Variants in KCNH7 observed in about 807,000 individuals in gnomAD.
KCNH7 encodes voltage-gated inwardly rectifying potassium channel KCNH7.
Under a neutral mutation model 120.8 loss-of-function variants are expected in KCNH7, and 49 were observed. That is an observed-to-expected ratio of 0.41 (90% CI 0.32 to 0.51). The LOEUF (loss-of-function observed/expected upper bound fraction) is 0.51, where lower values mean the gene tolerates loss of function less well. Among genes scored for constraint, KCNH7 ranks in the 20% least tolerant of loss-of-function variants. KCNH7 has a pLI of 0.38. For synonymous variants in KCNH7, 547 were observed against 516.1 expected (o/e 1.06, Z -0.81); for missense variants, 1,097 against 1,446.6 (o/e 0.76, Z 3.92).
At chr2:162,611,296 G>A (rs367662591) in intron 2 of KCNH7, among the ~76,000 whole-genome samples, 2 of 152,074 alleles carry the variant, frequency 1.3e-5, no homozygotes, top group Admixed American at 6.6e-5. Context: ...ATTCATTATC[G>A]AAGAGTTCTA....
rs933091048 is a variant in KCNH7 at position 162,572,709 on chromosome 2, A to G, written c.308-35629T>C. Among the ~76,000 whole-genome samples, 40 of 139,496 alleles carry G rather than the reference A, an allele frequency of 2.9e-4. No individual in the cohort carries two copies. The East Asian group carries it at 5.4e-3, about 19-fold the overall frequency. 91.5% of individuals were successfully genotyped at this position (139,496 alleles called of 152,430 possible). ...TGGCACATATACACCATGGAATACTATGCAGCCATAAAAAATGATGAGTTC... is the reference window on the plus strand; with the variant it reads ...TGGCACATATACACCATGGAATACTGTGCAGCCATAAAAAATGATGAGTTC... On this transcript the variant is annotated intron_variant, in intron 2 of 15. Coordinates refer to ENST00000332142, the MANE Select transcript of KCNH7 (RefSeq NM_033272.4).
chr2:162,532,965 G>A (rs375912299), intron 3 of KCNH7, among the ~76,000 whole-genome samples: 2 of 151,858 alleles, frequency 1.3e-5, no homozygotes, highest in Non-Finnish European at 2.9e-5. Context: ...GAATATTGTT[G>A]ACGAAAACTG....
At chr2:162,469,070 G>A (rs1212157427) in intron 6 of KCNH7, among the ~76,000 whole-genome samples, 5 of 152,114 alleles carry the variant, frequency 3.3e-5, no homozygotes, top group African/African-American at 1.2e-4. Context: ...TGCACAGGCT[G>A]GTCTCAAACA....
chr2:162,739,889 G>A (rs948739582), intron 2 of KCNH7, among the ~76,000 whole-genome samples: 2 of 147,772 alleles, frequency 1.4e-5, no homozygotes, highest in Non-Finnish European at 1.5e-5. Flanking sequence ...GAATGAGCAG[G>A]GCTGGGTATT....
intron 2 of KCNH7, among the ~76,000 whole-genome samples, chr2:162,608,234 C>T (rs989172506): frequency 6.6e-6 from 1 of 152,128 alleles, no homozygotes; most frequent in Non-Finnish European, 1.5e-5. Flanking sequence ...TGGCCCAGAC[C>T]AGAGAGAGAC....
intron 7 of KCNH7, 46 bp from the exon 8 acceptor site, chr2:162,435,643 C>A: frequency 6.6e-7 from 1 of 1,521,484 alleles, no homozygotes; most frequent in South Asian, 1.3e-5. Flanking sequence ...GCAAACAATT[C>A]AAAGTACATT....
At chr2:162,481,117 C>T (rs1224265097) in intron 6 of KCNH7, among the ~76,000 whole-genome samples, 1 of 152,100 alleles carries the variant, frequency 6.6e-6, no homozygotes, top group East Asian at 1.9e-4. Context: ...CATTTATTAC[C>T]AGTATAAATT....
At chr2:162,402,575 G>A (rs974093764) in intron 9 of KCNH7, among the ~76,000 whole-genome samples, 6 of 151,468 alleles carry the variant, frequency 4.0e-5, no homozygotes, top group African/African-American at 1.4e-4. Flanking sequence ...GATGTATAAA[G>A]CATTACACCA....
intron 2 of KCNH7, among the ~76,000 whole-genome samples, chr2:162,628,508 C>T (rs1437093912): frequency 6.6e-6 from 1 of 151,988 alleles, no homozygotes; most frequent in Non-Finnish European, 1.5e-5. Flanking sequence ...CTTGTGTCAT[C>T]AGGGTTTGTA....
intron 2 of KCNH7, among the ~76,000 whole-genome samples, chr2:162,738,303 A>G (rs909020126): frequency 3.3e-5 from 5 of 152,152 alleles, no homozygotes; most frequent in Admixed American, 2.0e-4. Flanking sequence ...CCCTCTGTGT[A>G]TAACTGCCAT....
At chr2:162,597,571 T>C (rs1233473185) in intron 2 of KCNH7, among the ~76,000 whole-genome samples, 1 of 152,030 alleles carries the variant, frequency 6.6e-6, no homozygotes, top group East Asian at 1.9e-4. Flanking sequence ...TGGTGGAGAA[T>C]GTTGGCCAAA....
chr2:162,444,498 T>A lies in KCNH7; in HGVS notation c.1554+1520A>T, dbSNP rs1241165901. On this transcript the variant is annotated intron_variant, in intron 7 of 15. Transcript: ENST00000332142. ...GTTACTTCTAGTTCTAAGATCTACA[T>A]TGGCAGCAGTACTAGATTTTAATTT... Among the ~76,000 whole-genome samples, 7 of 152,132 alleles carry A rather than the reference T, an allele frequency of 4.6e-5. No individual in the cohort carries two copies. The East Asian group carries it at 1.4e-3, about 29-fold the overall frequency.
chr2:162,517,309 G>A (rs537395423), intron 4 of KCNH7, among the ~76,000 whole-genome samples: 2 of 151,784 alleles, frequency 1.3e-5, no homozygotes, highest in Non-Finnish European at 2.9e-5. Context: ...TTCCTATGCT[G>A]CTCCCTTTGG....
rs1339368693 is a variant in KCNH7 at position 162,442,306 on chromosome 2, G to A, written c.1554+3712C>T. On this transcript the variant is annotated intron_variant, in intron 7 of 15. Transcript: ENST00000332142. ...CTCCCAAAGTGCTGGGATTACAGGC[G>A]TGAGCCACTGCGCCCGGCCGTGACA... 4.6e-5 allele frequency among the ~76,000 whole-genome samples: 7 copies of A among 151,692 alleles called. No individual in the cohort carries two copies. In the East Asian group the frequency reaches 7.8e-4, roughly 17 times the overall value.
At chr2:162,603,111 A>T (rs963636998) in intron 2 of KCNH7, among the ~76,000 whole-genome samples, 23 of 152,086 alleles carry the variant, frequency 1.5e-4, no homozygotes, top group African/African-American at 5.3e-4. Flanking sequence ...TTTGGCAACA[A>T]TTCTTTGATT....
chr2:162,649,990 C>G (rs1383788709), intron 2 of KCNH7, among the ~76,000 whole-genome samples: 1 of 152,140 alleles, frequency 6.6e-6, no homozygotes, highest in Non-Finnish European at 1.5e-5. Context: ...TGAAGAAAAA[C>G]AGTTGCTTCC....
chr2:162,649,779 ATC>A (rs1684502642), intron 2 of KCNH7, among the ~76,000 whole-genome samples: 1 of 152,156 alleles, frequency 6.6e-6, no homozygotes. Flanking sequence ...GAATTCTTCA[ATC>A]TCTCTTTGTT....
chr2:162,732,316 A>G (rs1360302389), intron 2 of KCNH7, among the ~76,000 whole-genome samples: 3 of 152,164 alleles, frequency 2.0e-5, no homozygotes, highest in Non-Finnish European at 2.9e-5. Context: ...ATGATCAAGG[A>G]CCTGTGAAAC....
intron 2 of KCNH7, among the ~76,000 whole-genome samples, chr2:162,662,138 C>T (rs186722019): frequency 1.3e-5 from 2 of 152,198 alleles, no homozygotes; most frequent in African/African-American, 2.4e-5. Context: ...TGGCGCGCAC[C>T]TATTGTCCCA....
Sources: gnomAD v4.1 joint callset for allele counts (sites outside exome capture counted in the v4.1 genomes callset) on GRCh38, gnomAD v4.1.1 for gene constraint, MANE v1.5 for transcripts, NCBI Gene and HGNC (gene_info 2026-07-23, HGNC 2026-07-21) for gene names.